Variants in KCNMA1 observed in about 807,000 individuals in gnomAD.
KCNMA1 encodes the protein Calcium-activated potassium channel subunit alpha-1.
A neutral mutation model predicts 140.0 loss-of-function variants in KCNMA1; 29 were observed. That is an observed-to-expected ratio of 0.21 (90% confidence interval 0.15 to 0.28). KCNMA1 has a LOEUF of 0.28. KCNMA1 is among the 10% of genes least tolerant of loss of function. The pLI is 1.00. For missense variants in KCNMA1, 880 were observed against 1,602.2 expected, an observed-to-expected ratio of 0.55 and a Z score of 7.70; for synonymous variants, 612 against 611.9, an observed-to-expected ratio of 1.00 and a Z score of 0.00.
intron 5 of KCNMA1, among the ~76,000 whole-genome samples, chr10:77,149,506 T>C (rs563436387): frequency 1.3e-5 from 2 of 152,308 alleles, no homozygotes; most frequent in East Asian, 1.9e-4. Flanking sequence ...TCACTAAATA[T>C]GTGTAGAAGG....
chr10:77,345,332 C>CT (rs761746488), intron 2 of KCNMA1, among the ~76,000 whole-genome samples: 1 of 152,192 alleles, frequency 6.6e-6, no homozygotes, highest in African/African-American at 2.4e-5. Context: ...AAGCCTGGTA[C>CT]TTAGAACTGC....
rs527359265 is a variant in KCNMA1 at position 77,369,875 on chromosome 10, TG to T, written c.540+33986del. 1.7e-3 allele frequency among the ~76,000 whole-genome samples: 257 copies of T among 152,324 alleles called. 2 individuals carry two copies. The highest frequency in any genetic ancestry group is 6.0e-3 in the African/African-American group (250 of 41,592). ...TGCTTCATGGCAAGGGAACATCTTTTGCTTTCATATCCATCTCACATACCTG... is the reference window on the plus strand; with the variant it reads ...TGCTTCATGGCAAGGGAACATCTTTTCTTTCATATCCATCTCACATACCTG... On this transcript the variant is annotated intron_variant, in intron 2 of 27. Transcript: ENST00000286628.
At chr10:77,073,720 A>G (rs980596388) in intron 13 of KCNMA1, among the ~76,000 whole-genome samples, 1 of 152,176 alleles carries the variant, frequency 6.6e-6, no homozygotes, top group African/African-American at 2.4e-5. Flanking sequence ...CTGAAAACAC[A>G]GATTGCTGGC....
chr10:77,280,792 G>A (rs1053321729), intron 2 of KCNMA1, among the ~76,000 whole-genome samples: 1 of 151,798 alleles, frequency 6.6e-6, no homozygotes, highest in South Asian at 2.1e-4. Context: ...GCATCCCAAA[G>A]TGCTGGGATT....
At chr10:77,584,220 G>A (rs1158503508) in intron 1 of KCNMA1, among the ~76,000 whole-genome samples, 1 of 152,102 alleles carries the variant, frequency 6.6e-6, no homozygotes, top group African/African-American at 2.4e-5. Flanking sequence ...ACCTTAGACG[G>A]GGCCTTGGTA....
At chr10:76,880,694 G>T (rs1399520677), downstream of KCNMA1, among the ~76,000 whole-genome samples, 1 of 152,204 alleles carries the variant, frequency 6.6e-6, no homozygotes, top group Non-Finnish European at 1.5e-5. Flanking sequence ...GCCTTCTGAA[G>T]AAGAAACAAT....
intron 14 of KCNMA1, among the ~76,000 whole-genome samples, chr10:77,053,111 T>C (rs763904103): frequency 2.6e-5 from 4 of 152,042 alleles, no homozygotes; most frequent in Non-Finnish European, 5.9e-5. Context: ...TGGTATAAGA[T>C]GGAAAGAGGG....
At chr10:77,595,883 C>T (rs2080798370) in intron 1 of KCNMA1, among the ~76,000 whole-genome samples, 1 of 152,166 alleles carries the variant, frequency 6.6e-6, no homozygotes, top group Admixed American at 6.5e-5. Flanking sequence ...AACTCCTGAC[C>T]TCGTGATCCA....
chr10:77,515,855 A>G (rs1227187455), intron 1 of KCNMA1, among the ~76,000 whole-genome samples: 1 of 152,136 alleles, frequency 6.6e-6, no homozygotes, highest in African/African-American at 2.4e-5. Flanking sequence ...GGCACCTGGC[A>G]TATCATGCAC....
At chr10:77,563,393 A>G (rs16935043) in intron 1 of KCNMA1, among the ~76,000 whole-genome samples, 1 of 152,054 alleles carries the variant, frequency 6.6e-6, no homozygotes, top group Non-Finnish European at 1.5e-5. Context: ...TCTGGGTGAT[A>G]AGGCAACCCG....
chr10:77,006,771 G>A (rs1425746638), intron 18 of KCNMA1, among the ~76,000 whole-genome samples: 1 of 152,174 alleles, frequency 6.6e-6, no homozygotes, highest in Middle Eastern at 3.2e-3. Context: ...CTCCAATTCT[G>A]AAGGACCATT....
At chr10:77,221,939 C>T (rs537237406) in intron 3 of KCNMA1, among the ~76,000 whole-genome samples, 9 of 152,310 alleles carry the variant, frequency 5.9e-5, no homozygotes, top group East Asian at 5.8e-4. Flanking sequence ...CTGTCACTTA[C>T]GAGCTGCATG....
intron 9 of KCNMA1, among the ~76,000 whole-genome samples, chr10:77,104,565 C>A (rs1054761161): frequency 2.0e-5 from 3 of 152,178 alleles, no homozygotes; most frequent in African/African-American, 7.2e-5. Flanking sequence ...TCTCTCTGTC[C>A]CAAACACCTG....
chr10:77,262,305 T>C (rs774644811), intron 2 of KCNMA1, among the ~76,000 whole-genome samples: 2 of 152,176 alleles, frequency 1.3e-5, no homozygotes, highest in African/African-American at 2.4e-5. Context: ...AAATAAGCTA[T>C]ACATAAAAGG....
In KCNMA1 at chr10:77,431,681, TAAAAAAAAAAAAA is replaced by T. The variant is rs71028276; in HGVS notation, c.379-27671_379-27659del. Among the ~76,000 whole-genome samples, 176 of 75,464 alleles carry T rather than the reference TAAAAAAAAAAAAA, an allele frequency of 2.3e-3. 2 individuals are homozygous for T. Among genetic ancestry groups the T allele is most frequent in the South Asian group, 6.3e-3 (11 of 1,758 alleles). 49.5% of individuals were successfully genotyped at this position (75,464 alleles called of 152,430 possible). ...CATGCCCCTGAAGTCTGGTCTGTTG[TAAAAAAAAAAAAA>T]AAAAAAAAAAAAAAAAAAAAAGGCC... On this transcript the variant is annotated intron_variant, in intron 1 of 27. Transcript: ENST00000286628.
At chr10:76,952,297 G>A in intron 21 of KCNMA1, 1 of 861,014 alleles carries the variant, frequency 1.2e-6, no homozygotes, top group Non-Finnish European at 1.7e-6. Flanking sequence ...AAGGTTGGCG[G>A]ATCATGAGCT....
intron 2 of KCNMA1, among the ~76,000 whole-genome samples, chr10:77,390,456 C>A (rs2095778966): frequency 6.6e-6 from 1 of 152,196 alleles, no homozygotes; most frequent in African/African-American, 2.4e-5. Context: ...GGCCAAGAAA[C>A]CAAGTTGCCC....
intron 5 of KCNMA1, among the ~76,000 whole-genome samples, chr10:77,136,752 G>A (rs1210449326): frequency 1.3e-5 from 2 of 152,112 alleles, no homozygotes; most frequent in Non-Finnish European, 2.9e-5. Flanking sequence ...TAATATTCTT[G>A]AGTTTTTTAA....
At chr10:77,367,595 G>C (rs554462431) in intron 2 of KCNMA1, among the ~76,000 whole-genome samples, 78 of 151,948 alleles carry the variant, frequency 5.1e-4, no homozygotes, top group Non-Finnish European at 1.0e-3. Flanking sequence ...TTTTATTTTT[G>C]GTGTAAAGTT....
Sources: gnomAD v4.1 joint callset for allele counts (sites outside exome capture counted in the v4.1 genomes callset) on GRCh38, gnomAD v4.1.1 for gene constraint, MANE v1.5 for transcripts, NCBI Gene and HGNC (gene_info 2026-07-23, HGNC 2026-07-21) for gene names.